The following MYO15B variants were observed in gnomAD, a reference collection of about 807,000 sequenced individuals.
MYO15B encodes myosin XVB, also known as myosin XVB pseudogene.
Under a neutral mutation model 119.3 loss-of-function variants are expected in MYO15B, and 207 were observed. That is an observed-to-expected ratio of 1.73 (90% CI 1.55 to 1.95). The LOEUF is 1.95. MYO15B is among the 30% of genes most tolerant of loss of function. The probability of loss-of-function intolerance (pLI) is 0.00; values close to 1 mark genes in which losing one functional copy is unlikely to be tolerated. For missense variants in MYO15B, 2,264 were observed against 1,203.1 expected, an observed-to-expected ratio of 1.88 and a Z score of -13.04; for synonymous variants, 966 against 498.9, an observed-to-expected ratio of 1.94 and a Z score of -12.48.
At chr17:75,623,062 C>T (rs994015539) in intron 53 of MYO15B, among the ~76,000 whole-genome samples, 3 of 152,244 alleles carry the variant, frequency 2.0e-5, no homozygotes, top group Middle Eastern at 3.4e-3. Context: ...CCGGGCGCGG[C>T]GGCTCCCGCC....
At chr17:75,623,957 G>A (rs2058860104) in exon 55 of MYO15B, 1 of 703,018 alleles carries the variant, frequency 1.4e-6, no homozygotes, top group Non-Finnish European at 2.6e-6. Context: ...AGGGAACACT[G>A]CACTCGAGGC....
intron 31 of MYO15B, 21 bp downstream of exon 31, chr17:75,614,704 T>C (rs780049281): frequency 2.8e-6 from 2 of 702,524 alleles, no homozygotes; most frequent in Admixed American, 2.0e-5. Context: ...AGTGGGCACA[T>C]GGAGGTTGGC....
At position 75,610,900 on chromosome 17, in the gene MYO15B, C is replaced by T. The variant is rs901839611; in HGVS notation, c.4387C>T (p.Leu1463Phe). 4 of 703,052 alleles carry T rather than the reference C, an allele frequency of 5.7e-6. No individual in the cohort carries two copies. In the East Asian group the frequency reaches 8.0e-5, roughly 14 times the overall value. The allele number at this position is 703,052 out of a possible 1,614,324, so 43.6% of individuals were successfully genotyped here. The change falls in exon 23 of 64, where the codon CTT (leucine) becomes TTT (phenylalanine). Residue 1463 changes from leucine to phenylalanine, a missense_variant and splice_region_variant. Coordinates refer to ENST00000645453, the Ensembl canonical transcript of MYO15B. ...GCTCTTCCCACATCTCTTCCAACAG[C>T]TTGGGCGTTGGCAGGGCTGGCATAG...
exon 10 of MYO15B, chr17:75,594,527 C>T (rs1326304804): frequency 3.2e-6 from 2 of 629,846 alleles, no homozygotes; most frequent in Non-Finnish European, 5.7e-6. Flanking sequence ...ATCCACACAG[C>T]AGCCCGACTG....
chr17:75,594,963 C>T (rs756650396), exon 12 of MYO15B: 58 of 702,940 alleles, frequency 8.3e-5, no homozygotes, highest in Middle Eastern at 4.6e-4. Flanking sequence ...TGGATGCCTA[C>T]GGCTTTGAGG....
rs1308753489 is a variant in MYO15B at position 75,601,476 on chromosome 17, C to T, written c.3564C>T (p.His1188=). 1.3e-5 allele frequency: 9 copies of T among 703,128 alleles called. No individual in the cohort carries two copies. In the East Asian group the frequency reaches 2.1e-4, roughly 17 times the overall value. The allele number at this position is 703,128 out of a possible 1,614,324, so 43.6% of individuals were successfully genotyped here. A position where few individuals can be genotyped will look rare whatever the true frequency, so the allele number is the denominator to read the frequency against. The change falls in exon 15 of 64, where the codon CAC becomes CAT. Residue 1188 remains histidine, a synonymous_variant. Transcript: ENST00000645453. ...CCTTCCTCCAGAAGAGCCACTATCA[C>T]CATGGTGACCACCCCAGCTATGCCA...
intron 9 of MYO15B, among the ~76,000 whole-genome samples, chr17:75,593,694 C>T (rs1212649125): frequency 3.3e-5 from 5 of 149,752 alleles, no homozygotes; most frequent in South Asian, 4.2e-4. Context: ...CCTAGATGGG[C>T]GGATCACCTG....
In MYO15B at chr17:75,605,961, G is replaced by A. The variant is rs760599230; in HGVS notation, c.4232G>A (p.Cys1411Tyr). The A allele has an allele frequency of 5.7e-6, 4 of 702,698 alleles. No individual in the cohort carries two copies. In the East Asian group the frequency reaches 1.1e-4, roughly 19 times the overall value. 43.5% of individuals were successfully genotyped at this position (702,698 alleles called of 1,614,324 possible). A position where few individuals can be genotyped will look rare whatever the true frequency, so the allele number is the denominator to read the frequency against. The change falls in exon 21 of 64, where the codon TGC becomes TAC. Residue 1411 changes from cysteine to tyrosine, a missense_variant. Physicochemically the swap from Cys to Tyr is radical, Grantham distance 194. Coordinates refer to ENST00000645453, the Ensembl canonical transcript of MYO15B. ...GACCTGCACCGCAGCTTCCACACCT[G>A]CATCTCCCGCCAGCGCGTCCTGCCC... is the stretch of plus-strand genomic sequence containing the variant.
At chr17:75,612,695 C>A (rs995380276) in intron 25 of MYO15B, 103 bp from the exon 26 acceptor site, 3 of 649,566 alleles carry the variant, frequency 4.6e-6, no homozygotes, top group Non-Finnish European at 8.2e-6. Flanking sequence ...AGATGCATTT[C>A]TGTCCAGCCC....
exon 1 of MYO15B, chr17:75,588,302 C>T (rs1204730309): frequency 7.5e-6 from 3 of 398,246 alleles, no homozygotes; most frequent in Non-Finnish European, 1.3e-5. Context: ...CGCCCAGGGG[C>T]TGGGCTGTCC....
rs991057678 is a variant in MYO15B, at chr17:75,589,958, C to T, written c.1901C>T (p.Pro634Leu). 2 of 398,546 alleles carry T rather than the reference C, an allele frequency of 5.0e-6. No individual in the cohort carries two copies. Among genetic ancestry groups the T allele is most frequent in the African/African-American group, 2.1e-5 (1 of 48,608 alleles). The allele number at this position is 398,546 out of a possible 1,614,324, so 24.7% of individuals were successfully genotyped here. A position where few individuals can be genotyped will look rare whatever the true frequency, so the allele number is the denominator to read the frequency against. The change falls in exon 1 of 64, where the codon CCG (proline) becomes CTG (leucine). Residue 634 changes from proline to leucine, a missense_variant. Physicochemically the swap from Pro to Leu is moderately conservative, Grantham distance 98 (BLOSUM62 -3). Coordinates refer to ENST00000645453, the Ensembl canonical transcript of MYO15B. This position sits in a 1 kb window ranked among gnomAD's most constrained non-coding sequence, Gnocchi z 4.2. ...TTGGAGACCCTCAATGACGAGCCCC[C>T]GGTGCGCTGGGCGCAGGGCTCAGGC...
At chr17:75,615,368 C>G in intron 34 of MYO15B, 30 bp downstream of exon 34, 1 of 699,432 alleles carries the variant, frequency 1.4e-6, no homozygotes, top group South Asian at 1.5e-5. Context: ...ACCAGAGTCC[C>G]TTCTCAGGAG....
At chr17:75,616,989 A>T (rs1039350948) in intron 40 of MYO15B, 28 bp downstream of exon 40, 1 of 702,602 alleles carries the variant, frequency 1.4e-6, no homozygotes, top group Non-Finnish European at 2.6e-6. Flanking sequence ...TCTCCCCCAG[A>T]GTGTGTGCTG....
chr17:75,625,062 G>A, intron 59 of MYO15B, 61 bp from the exon 60 acceptor site: 2 of 661,482 alleles, frequency 3.0e-6, no homozygotes, highest in Non-Finnish European at 5.5e-6. Flanking sequence ...AGCCTCTAGA[G>A]CCACCAACTG....
chr17:75,615,183 G>C, intron 33 of MYO15B, 57 bp from the exon 34 acceptor site: 1 of 686,558 alleles, frequency 1.5e-6, no homozygotes. Context: ...CCTGGGGCTG[G>C]AGGGAGGTGG....
At chr17:75,590,316 T>C (rs2056353303) in intron 1 of MYO15B, 73 bp downstream of exon 1, 1 of 398,928 alleles carries the variant, frequency 2.5e-6, no homozygotes, top group Non-Finnish European at 4.4e-6. Context: ...CTCATCTTTA[T>C]GAATTGCGTG....
intron 14 of MYO15B, among the ~76,000 whole-genome samples, chr17:75,598,446 T>C (rs1598745477): frequency 7.1e-6 from 1 of 140,450 alleles, no homozygotes; most frequent in African/African-American, 2.7e-5. Context: ...GGCGTGATAG[T>C]GGGCGCCTGT....
intron 20 of MYO15B, 29 bp downstream of exon 20, chr17:75,605,650 G>A (rs939163093): frequency 1.4e-6 from 1 of 701,890 alleles, no homozygotes; most frequent in Non-Finnish European, 2.6e-6. Flanking sequence ...GTGTGCAGAG[G>A]GCAGCATGAA....
exon 1 of MYO15B, chr17:75,588,397 A>G (rs2056197118): frequency 5.0e-6 from 2 of 398,556 alleles, no homozygotes; most frequent in Non-Finnish European, 8.8e-6. Context: ...GGAGGAGGGA[A>G]GCCTCTCCGG....
Sources: allele counts gnomAD v4.1 joint callset (sites outside exome capture counted in the v4.1 genomes callset), GRCh38; gene constraint gnomAD v4.1.1; non-coding constraint Gnocchi (gnomAD v3.1); transcripts MANE v1.5; gene names NCBI Gene and HGNC (gene_info 2026-07-23, HGNC 2026-07-21).